RGS5: variants seen among roughly 807,000 people sequenced by gnomAD.
RGS5 encodes regulator of G-protein signalling 5.
Under a neutral mutation model 18.9 loss-of-function variants are expected in RGS5, and 20 were observed. The ratio of observed to expected loss-of-function variants is 1.06; its 90% CI spans 0.74 to 1.54. RGS5 has a LOEUF of 1.54. RGS5 is among the 40% of genes most tolerant of loss of function. RGS5 has a pLI of 0.00. For synonymous variants in RGS5, 57 were observed against 76.2 expected, an observed-to-expected ratio of 0.75 and a Z score of 1.31; for missense variants, 201 against 211.8, an observed-to-expected ratio of 0.95 and a Z score of 0.32.
chr1:163,147,290 G>T lies in RGS5; in HGVS notation c.*52C>A. On this transcript the variant is annotated 3_prime_UTR_variant, in exon 5 of 5. Transcript: ENST00000313961. ...TATGTAGATTAATGGGAAATGCAGG[G>T]TTATTATGGAGGAAATAACTCACAG... 6.6e-7 allele frequency: 1 copy of T among 1,524,952 alleles called. No homozygotes were observed. Among genetic ancestry groups the T allele is most frequent in the Non-Finnish European group, 8.8e-7 (1 of 1,132,488 alleles). The allele number at this position is 1,524,952 out of a possible 1,614,324, so 94.5% of individuals were successfully genotyped here. A position where few individuals can be genotyped will look rare whatever the true frequency, so the allele number is the denominator to read the frequency against.
intron 2 of RGS5, among the ~76,000 whole-genome samples, chr1:163,253,349 C>T (rs550189346): frequency 3.6e-4 from 55 of 152,190 alleles, no homozygotes; most frequent in Admixed American, 2.6e-3. Context: ...CACTCTGTTG[C>T]CCAGGCTTCA....
intron 2 of RGS5, chr1:163,244,636 T>G (rs912664925): frequency 2.0e-5 from 3 of 152,172 alleles, no homozygotes; most frequent in African/African-American, 7.2e-5. Flanking sequence ...GGTAATTTGT[T>G]TGCAACTCTG....
At chr1:163,206,943 TTTG>T (rs1426892577), upstream of RGS5, 3 of 152,208 alleles carry the variant, frequency 2.0e-5, no homozygotes, top group Non-Finnish European at 4.4e-5. Flanking sequence ...ATCTGCATCT[TTTG>T]TTATTTAAGA....
At chr1:163,201,298 C>G (rs969111177) in intron 1 of RGS5, among the ~76,000 whole-genome samples, 2 of 152,064 alleles carry the variant, frequency 1.3e-5, no homozygotes, top group Non-Finnish European at 2.9e-5. Context: ...GCACAGAAAA[C>G]TTTCCCTATT....
At chr1:163,181,992 T>A (rs1309270663) in intron 1 of RGS5, among the ~76,000 whole-genome samples, 1 of 152,174 alleles carries the variant, frequency 6.6e-6, no homozygotes, top group Non-Finnish European at 1.5e-5. Flanking sequence ...CGATGCTAAA[T>A]AAGTTAATGC....
At chr1:163,240,542 T>C (rs1012993228) in intron 2 of RGS5, among the ~76,000 whole-genome samples, 3 of 152,000 alleles carry the variant, frequency 2.0e-5, no homozygotes, top group Non-Finnish European at 4.4e-5. Context: ...AAGAGAGAGA[T>C]GGAGGGTTTC....
intron 2 of RGS5, among the ~76,000 whole-genome samples, chr1:163,290,569 C>T (rs553080716): frequency 6.6e-6 from 1 of 151,412 alleles, no homozygotes; most frequent in African/African-American, 2.4e-5. Context: ...TTATAATAAA[C>T]CCCACATTAA....
chr1:163,196,310 C>T (rs983692216), intron 1 of RGS5, among the ~76,000 whole-genome samples: 6 of 152,120 alleles, frequency 3.9e-5, no homozygotes, highest in Non-Finnish European at 8.8e-5. Flanking sequence ...AAATTTAGCC[C>T]CTTTTCTCTC....
intron 1 of RGS5, among the ~76,000 whole-genome samples, chr1:163,312,083 G>A (rs767455638): frequency 3.9e-5 from 6 of 152,202 alleles, no homozygotes; most frequent in Non-Finnish European, 7.3e-5. Context: ...CCTGGTGGGA[G>A]GTGGCTGGAT....
intron 1 of RGS5, among the ~76,000 whole-genome samples, chr1:163,307,651 T>C (rs368218443): frequency 1.3e-5 from 2 of 151,662 alleles, no homozygotes; most frequent in Admixed American, 6.6e-5. Context: ...TAGTAACACA[T>C]GATTGGTTCA....
intron 2 of RGS5, among the ~76,000 whole-genome samples, chr1:163,270,236 G>C (rs925403639): frequency 2.2e-4 from 34 of 151,888 alleles, no homozygotes; most frequent in Non-Finnish European, 1.6e-4. Flanking sequence ...AAAGGGCTGG[G>C]CATGGTGGCT....
At chr1:163,320,954 CTG>C (rs578056648) in intron 1 of RGS5, among the ~76,000 whole-genome samples, 1 of 152,316 alleles carries the variant, frequency 6.6e-6, no homozygotes, top group South Asian at 2.1e-4. Context: ...ATGCTCTACT[CTG>C]TGACCAGATA....
intron 2 of RGS5, among the ~76,000 whole-genome samples, chr1:163,286,830 T>C (rs1649158405): frequency 6.6e-6 from 1 of 152,286 alleles, no homozygotes; most frequent in Non-Finnish European, 1.5e-5. Context: ...TTTAAGTTTT[T>C]GTTCCTTTGA....
intron 2 of RGS5, among the ~76,000 whole-genome samples, chr1:163,235,214 T>C (rs1647591828): frequency 6.6e-6 from 1 of 152,200 alleles, no homozygotes; most frequent in South Asian, 2.1e-4. Context: ...ATTCTTGATC[T>C]CATCATATAA....
chr1:163,218,507 ATG>A (rs71675825), upstream of RGS5, among the ~76,000 whole-genome samples: 1,630 of 151,988 alleles, frequency 0.011, 27 homozygotes, highest in African/African-American at 0.037. Flanking sequence ...ATATTACATC[ATG>A]TGTTTTTAAT....
chr1:163,162,065 A>C (rs1336310427), intron 2 of RGS5, 89 bp from the exon 3 acceptor site: 1 of 884,028 alleles, frequency 1.1e-6, no homozygotes, highest in Non-Finnish European at 1.9e-6. Context: ...TGTTTCTCTT[A>C]GATGGAAATG....
intron 2 of RGS5, among the ~76,000 whole-genome samples, chr1:163,305,590 T>C (rs941413581): frequency 1.2e-4 from 19 of 152,206 alleles, no homozygotes; most frequent in African/African-American, 4.1e-4. Context: ...AACATCTAAA[T>C]GATTAATAAG....
chr1:163,232,415 T>C (rs1337017994), intron 2 of RGS5, among the ~76,000 whole-genome samples: 1 of 152,164 alleles, frequency 6.6e-6, no homozygotes, highest in Non-Finnish European at 1.5e-5. Flanking sequence ...GTATAAACTT[T>C]TTGTAGGAGA....
intron 1 of RGS5, among the ~76,000 whole-genome samples, chr1:163,217,111 A>AC (rs1660236427): frequency 6.6e-6 from 1 of 152,194 alleles, no homozygotes; most frequent in Non-Finnish European, 1.5e-5. Context: ...AAGAGAGAGA[A>AC]TAAAAAAAAT....
Sources: gnomAD v4.1 joint callset for allele counts (sites outside exome capture counted in the v4.1 genomes callset) on GRCh38, gnomAD v4.1.1 for gene constraint, MANE v1.5 for transcripts, NCBI Gene and HGNC (gene_info 2026-07-23, HGNC 2026-07-21) for gene names.